Variants in POC1A observed in about 807,000 individuals in gnomAD.
POC1A encodes the protein POC1 centriolar protein A.
In POC1A, 34 loss-of-function variants were observed where a neutral mutation model predicts 47.8. The observed-to-expected ratio is 0.71, with a 90% CI of 0.54 to 0.95. The LOEUF (loss-of-function observed/expected upper bound fraction) is 0.95. Among genes scored for constraint, POC1A ranks in the 40% least tolerant of loss-of-function variants. The probability of loss-of-function intolerance (pLI) is 0.00; values close to 1 mark genes in which losing one functional copy is unlikely to be tolerated. For missense variants in POC1A, 466 were observed against 528.3 expected, an observed-to-expected ratio of 0.88 and a Z score of 1.16; for synonymous variants, 177 against 207.6, an observed-to-expected ratio of 0.85 and a Z score of 1.27.
At chr3:52,147,952 T>C (rs1429500250) in intron 4 of POC1A, among the ~76,000 whole-genome samples, 4 of 142,712 alleles carry the variant, frequency 2.8e-5, no homozygotes, top group African/African-American at 1.0e-4. Context: ...CAAACATAAA[T>C]AAACAAAAAG....
chr3:52,146,461 T>C (rs1342610433), intron 5 of POC1A, among the ~76,000 whole-genome samples: 1 of 152,176 alleles, frequency 6.6e-6, no homozygotes, highest in African/African-American at 2.4e-5. Flanking sequence ...GGAGAAGCCC[T>C]TGTGGCTCCC....
chr3:52,138,472 G>C (rs1413360299), intron 6 of POC1A, among the ~76,000 whole-genome samples, 170 bp from the exon 7 acceptor site: 1 of 152,316 alleles, frequency 6.6e-6, no homozygotes, highest in South Asian at 2.1e-4. Context: ...TTTCCCAGGA[G>C]AGGGGCACAA....
chr3:52,126,055 T>C (rs898762147), intron 7 of POC1A, among the ~76,000 whole-genome samples: 1 of 152,302 alleles, frequency 6.6e-6, no homozygotes, highest in African/African-American at 2.4e-5. Context: ...AGTCGAACTT[T>C]TACTGTGGCC....
At position 52,084,887 on chromosome 3, in the gene POC1A, G is replaced by A. The variant is rs753381845; in HGVS notation, c.1126-8902C>T. On this transcript the variant is annotated intron_variant, in intron 10 of 10. Coordinates refer to ENST00000296484, the MANE Select transcript of POC1A (RefSeq NM_015426.5). The surrounding 1 kb of genome is among the most constrained non-coding windows in gnomAD (Gnocchi z 4.3). ...TTGGGCCAGACTGATGGGTGAAGGC[G>A]GAGCCAACATCCAGGCATGTGTCCC... Among the ~76,000 whole-genome samples, 4 of 152,210 alleles carry A rather than the reference G, an allele frequency of 2.6e-5. No individual in the cohort carries two copies. The highest frequency in any genetic ancestry group is 4.8e-5 in the African/African-American group (2 of 41,458).
At position 52,135,900 on chromosome 3, in the gene POC1A, GCCAGCTGTAGAAC is replaced by G. The variant is rs538101180; in HGVS notation, c.813+2256_813+2268del. Among the ~76,000 whole-genome samples, 21 of 152,308 alleles carry G rather than the reference GCCAGCTGTAGAAC, an allele frequency of 1.4e-4. No homozygotes were observed. In the East Asian group the frequency reaches 3.7e-3, roughly 27 times the overall value. ...TCCACATCGGGACCTTTCAACCCAG[GCCAGCTGTAGAAC>G]CCGGTATTGACTTGCCACCACCAGT... On this transcript the variant is annotated intron_variant, in intron 7 of 10. Coordinates refer to ENST00000296484, the MANE Select transcript of POC1A (RefSeq NM_015426.5).
intron 10 of POC1A, among the ~76,000 whole-genome samples, chr3:52,089,628 C>A (rs1158496148): frequency 1.3e-5 from 2 of 152,092 alleles, no homozygotes; most frequent in African/African-American, 4.8e-5. Context: ...GCCCTGTCTG[C>A]GAGTGGAAGC....
At chr3:52,077,368 C>G (rs1476691863) in intron 10 of POC1A, among the ~76,000 whole-genome samples, 7 of 152,256 alleles carry the variant, frequency 4.6e-5, no homozygotes, top group African/African-American at 4.8e-5. Flanking sequence ...GGAGTCTCCC[C>G]CTTTAAGGCT....
In POC1A at chr3:52,120,231, T is replaced by C. The variant is rs148128145; in HGVS notation, c.981+2148A>G. On this transcript the variant is annotated intron_variant, in intron 9 of 10. Transcript: ENST00000296484. ...CCACCAAATTGCACACTTAAAATGG[T>C]TAAAATGGTAAACTTTGTGTTATAT... 9.9e-4 allele frequency among the ~76,000 whole-genome samples: 139 copies of C among 140,938 alleles called. 1 individual carries two copies. Among genetic ancestry groups the C allele is most frequent in the African/African-American group, 3.5e-3 (129 of 36,962 alleles). The allele number at this position is 140,938 out of a possible 152,430, so 92.5% of individuals were successfully genotyped here.
At chr3:52,138,833 AC>A (rs973051289) in intron 6 of POC1A, among the ~76,000 whole-genome samples, 11 of 152,110 alleles carry the variant, frequency 7.2e-5, no homozygotes, top group African/African-American at 2.7e-4. Context: ...GCCTGGGCTC[AC>A]CCCATGACGT....
chr3:52,106,103 G>A (rs964367632), intron 9 of POC1A, among the ~76,000 whole-genome samples: 3 of 151,100 alleles, frequency 2.0e-5, no homozygotes, highest in Non-Finnish European at 4.4e-5. Flanking sequence ...GCTGAGGCAG[G>A]AGAATGACAT....
At chr3:52,141,459 G>A (rs1488507494) in intron 6 of POC1A, among the ~76,000 whole-genome samples, 2 of 152,206 alleles carry the variant, frequency 1.3e-5, no homozygotes, top group African/African-American at 2.4e-5. Context: ...CTAGTGACAC[G>A]GTGGCTCTGG....
At chr3:52,076,288 G>A (rs1287655739) in intron 10 of POC1A, among the ~76,000 whole-genome samples, 2 of 152,202 alleles carry the variant, frequency 1.3e-5, no homozygotes, top group Non-Finnish European at 2.9e-5. Flanking sequence ...AGAGAACCAA[G>A]GGGTCAGGAA....
At chr3:52,092,204 G>T (rs1702665499) in intron 10 of POC1A, among the ~76,000 whole-genome samples, 1 of 152,194 alleles carries the variant, frequency 6.6e-6, no homozygotes, top group Admixed American at 6.5e-5. Flanking sequence ...GGCAGGCCAG[G>T]GCAAGGATGT....
intron 9 of POC1A, among the ~76,000 whole-genome samples, chr3:52,103,746 C>T (rs960318751): frequency 1.3e-5 from 2 of 151,950 alleles, no homozygotes; most frequent in Non-Finnish European, 1.5e-5. Context: ...GGATGCTCTA[C>T]ATCATTAATC....
rs148576317 is a variant in POC1A, at chr3:52,144,540, G to A, written c.679+1306C>T. ...CCAGCCCAGACAGGACCAAGACAGT[G>A]TCATTGTCATCATCACTAACATTGT... On this transcript the variant is annotated intron_variant, in intron 6 of 10. Coordinates refer to ENST00000296484, the MANE Select transcript of POC1A (RefSeq NM_015426.5). Among the ~76,000 whole-genome samples the A allele has an allele frequency of 5.3e-3, 802 of 152,272 alleles. 8 individuals are homozygous for A. Among genetic ancestry groups the A allele is most frequent in the Non-Finnish European group, 8.7e-3 (589 of 68,024 alleles).
At chr3:52,078,482 G>A (rs1198455578) in intron 10 of POC1A, among the ~76,000 whole-genome samples, 1 of 147,746 alleles carries the variant, frequency 6.8e-6, no homozygotes, top group Non-Finnish European at 1.5e-5. Context: ...ACTCCTCATA[G>A]ACAGTGAAAC....
chr3:52,086,124 G>A (rs1702450260), intron 10 of POC1A, among the ~76,000 whole-genome samples: 2 of 152,176 alleles, frequency 1.3e-5, no homozygotes, highest in African/African-American at 4.8e-5. Flanking sequence ...TCTCCCTGGT[G>A]GGACTGGGGT....
intron 8 of POC1A, among the ~76,000 whole-genome samples, chr3:52,124,112 T>C (rs1434731251): frequency 6.6e-6 from 1 of 152,224 alleles, no homozygotes; most frequent in Non-Finnish European, 1.5e-5. Flanking sequence ...CCAATAGGAC[T>C]TTTCTAGGCT....
At chr3:52,117,808 A>G (rs1703622490) in intron 9 of POC1A, among the ~76,000 whole-genome samples, 1 of 152,102 alleles carries the variant, frequency 6.6e-6, no homozygotes, top group Non-Finnish European at 1.5e-5. Flanking sequence ...ATTTGGAAGG[A>G]GGGCAAAAAT....
Sources: allele counts gnomAD v4.1 joint callset (sites outside exome capture counted in the v4.1 genomes callset), GRCh38; gene constraint gnomAD v4.1.1; non-coding constraint Gnocchi (gnomAD v3.1); transcripts MANE v1.5; gene names NCBI Gene and HGNC (gene_info 2026-07-23, HGNC 2026-07-21).